Variants in SLC12A2 observed in about 807,000 individuals in gnomAD.
The protein encoded by SLC12A2 is solute carrier family 12 member 2.
A neutral mutation model predicts 136.3 loss-of-function variants in SLC12A2; 67 were observed. That is an observed-to-expected ratio of 0.49 (90% confidence interval 0.40 to 0.60). The LOEUF (loss-of-function observed/expected upper bound fraction) is 0.60. SLC12A2 is among the 20% of genes least tolerant of loss of function. SLC12A2 has a pLI of 0.00. For synonymous variants in SLC12A2, 619 were observed against 562.9 expected, an observed-to-expected ratio of 1.10 and a Z score of -1.41; for missense variants, 1,322 against 1,534.7, an observed-to-expected ratio of 0.86 and a Z score of 2.32.
intron 4 of SLC12A2, among the ~76,000 whole-genome samples, chr5:128,129,591 G>A (rs1285703785): frequency 6.6e-6 from 1 of 151,840 alleles, no homozygotes; most frequent in East Asian, 1.9e-4. Flanking sequence ...ACCTGTTACA[G>A]GTGTTTTCCA....
At chr5:128,113,450 T>A (rs1169949573) in intron 2 of SLC12A2, among the ~76,000 whole-genome samples, 1 of 152,220 alleles carries the variant, frequency 6.6e-6, no homozygotes, top group African/African-American at 2.4e-5. Context: ...TCAGATTTAC[T>A]TCTGTTTTTC....
chr5:128,113,451 TC>T (rs1408441538), intron 2 of SLC12A2, among the ~76,000 whole-genome samples: 1 of 152,190 alleles, frequency 6.6e-6, no homozygotes, highest in Non-Finnish European at 1.5e-5. Context: ...CAGATTTACT[TC>T]TGTTTTTCTG....
chr5:128,100,240 G>A (rs567191962), intron 1 of SLC12A2, among the ~76,000 whole-genome samples: 17 of 152,188 alleles, frequency 1.1e-4, no homozygotes, highest in African/African-American at 3.4e-4. Flanking sequence ...TGTAGCACTC[G>A]AGGGATTTAA....
At chr5:128,103,275 T>C (rs1013165593) in intron 1 of SLC12A2, among the ~76,000 whole-genome samples, 3 of 152,220 alleles carry the variant, frequency 2.0e-5, no homozygotes, top group Admixed American at 6.5e-5. Flanking sequence ...TCAGACAGTA[T>C]GGAGTGGATA....
chr5:128,112,167 A>C (rs1761172402), intron 1 of SLC12A2, among the ~76,000 whole-genome samples: 1 of 152,208 alleles, frequency 6.6e-6, no homozygotes, highest in Non-Finnish European at 1.5e-5. Context: ...AGAATTATGG[A>C]ATCAGCTATG....
chr5:128,132,548 C>G (rs778017257), intron 5 of SLC12A2, among the ~76,000 whole-genome samples: 56 of 152,092 alleles, frequency 3.7e-4, no homozygotes, highest in Non-Finnish European at 7.9e-4. Context: ...CTGTATTGCT[C>G]TGGAGTATAA....
chr5:128,181,016 G>C (rs375275555), intron 23 of SLC12A2, 22 bp downstream of exon 23: 60 of 1,365,004 alleles, frequency 4.4e-5, no homozygotes, highest in Non-Finnish European at 5.4e-5. Flanking sequence ...TCACATTGAA[G>C]GGCATGAATC....
intron 4 of SLC12A2, among the ~76,000 whole-genome samples, chr5:128,119,940 A>T (rs147793925): frequency 0.11 from 17,322 of 152,126 alleles, 1,054 homozygotes; most frequent in African/African-American, 0.16. Context: ...AATGGGAGAA[A>T]ATTTTCCCAA....
intron 16 of SLC12A2, among the ~76,000 whole-genome samples, chr5:128,161,046 C>T (rs111384296): frequency 0.013 from 1,938 of 152,164 alleles, 25 homozygotes; most frequent in Non-Finnish European, 0.021. Flanking sequence ...TACTTATTTA[C>T]ATTTAGGGTG....
intron 4 of SLC12A2, 26 bp from the exon 5 acceptor site, chr5:128,131,041 T>A: frequency 6.2e-7 from 1 of 1,609,228 alleles, no homozygotes; most frequent in Non-Finnish European, 8.5e-7. Flanking sequence ...AGTACCTGTT[T>A]TTTTTGTTTG....
At chr5:128,114,785 A>C (rs1007835079) in intron 4 of SLC12A2, 104 bp downstream of exon 4, 5 of 709,866 alleles carry the variant, frequency 7.0e-6, no homozygotes, top group Non-Finnish European at 9.4e-6. Context: ...GCAACATATT[A>C]AGTCTATATA....
chr5:128,129,130 A>G (rs1761921719), intron 4 of SLC12A2, among the ~76,000 whole-genome samples: 1 of 152,086 alleles, frequency 6.6e-6, no homozygotes, highest in Admixed American at 6.5e-5. Context: ...ATTGTCAACT[A>G]CTAAAGACAA....
intron 6 of SLC12A2, among the ~76,000 whole-genome samples, chr5:128,135,260 C>A (rs1306750653): frequency 6.6e-6 from 1 of 151,992 alleles, no homozygotes; most frequent in Non-Finnish European, 1.5e-5. Flanking sequence ...TTTCCTGTAG[C>A]AATCACACAC....
chr5:128,094,628 G>A (rs1452599748), intron 1 of SLC12A2, among the ~76,000 whole-genome samples: 1 of 151,898 alleles, frequency 6.6e-6, no homozygotes, highest in Non-Finnish European at 1.5e-5. Flanking sequence ...AGGCTGCAGA[G>A]TTCTAGTGTA....
At chr5:128,181,449 CTTGTT>C (rs1459810306) in intron 23 of SLC12A2, among the ~76,000 whole-genome samples, 6 of 152,130 alleles carry the variant, frequency 3.9e-5, no homozygotes, top group Non-Finnish European at 7.4e-5. Context: ...TCTAAGTACT[CTTGTT>C]TTGTCTTTGA....
At chr5:128,111,330 A>G (rs1761136508) in intron 1 of SLC12A2, among the ~76,000 whole-genome samples, 1 of 152,230 alleles carries the variant, frequency 6.6e-6, no homozygotes, top group Non-Finnish European at 1.5e-5. Flanking sequence ...TTAAAAAAGC[A>G]TATAGCAATA....
chr5:128,119,860 G>T (rs1388443684), intron 4 of SLC12A2, among the ~76,000 whole-genome samples: 1 of 152,252 alleles, frequency 6.6e-6, no homozygotes, highest in African/African-American at 2.4e-5. Flanking sequence ...TGACAAATGG[G>T]ATCTAATTAA....
chr5:128,180,704 G>T (rs983614888), intron 22 of SLC12A2, among the ~76,000 whole-genome samples, 179 bp from the exon 23 acceptor site: 3 of 152,154 alleles, frequency 2.0e-5, no homozygotes, highest in Non-Finnish European at 4.4e-5. Flanking sequence ...ATCAGACTCC[G>T]TTAGGAGTCC....
intron 4 of SLC12A2, among the ~76,000 whole-genome samples, chr5:128,126,005 A>T (rs1488460172): frequency 6.6e-6 from 1 of 152,122 alleles, no homozygotes; most frequent in Non-Finnish European, 1.5e-5. Context: ...ATTCTGTTGC[A>T]TTGATTTGTT....
Sources: gnomAD v4.1 joint callset for allele counts (sites outside exome capture counted in the v4.1 genomes callset) on GRCh38, gnomAD v4.1.1 for gene constraint, MANE v1.5 for transcripts, NCBI Gene and HGNC (gene_info 2026-07-23, HGNC 2026-07-21) for gene names.